CSMD1: variants seen among roughly 807,000 people sequenced by gnomAD.
CSMD1 encodes CUB and Sushi multiple domains 1, also known as CUB and sushi domain-containing protein 1.
A neutral mutation model predicts 417.5 loss-of-function variants in CSMD1; 213 were observed. The ratio of observed to expected loss-of-function variants is 0.51; its 90% confidence interval spans 0.46 to 0.57. The LOEUF (loss-of-function observed/expected upper bound fraction) is 0.57, where lower values mean the gene tolerates loss of function less well. Ranked by LOEUF, CSMD1 falls within the 20% of genes least tolerant of loss-of-function variation. The pLI, the probability that CSMD1 is intolerant of heterozygous loss-of-function variation, is 0.00. For synonymous variants in CSMD1, 2,862 were observed against 1,736.8 expected (o/e 1.65, Z -16.11); for missense variants, 6,923 against 4,529.7 (o/e 1.53, Z -15.17).
At chr8:4,828,950 T>A (rs1401691068) in intron 1 of CSMD1, among the ~76,000 whole-genome samples, 1 of 152,208 alleles carries the variant, frequency 6.6e-6, no homozygotes, top group African/African-American at 2.4e-5. Flanking sequence ...ACCATAGAGC[T>A]AGTAATTCCT....
At chr8:3,784,396 G>C (rs372188936) in intron 5 of CSMD1, among the ~76,000 whole-genome samples, 1 of 152,122 alleles carries the variant, frequency 6.6e-6, no homozygotes, top group Non-Finnish European at 1.5e-5. Context: ...CTTCAGCCCA[G>C]AAATAACTGC....
At chr8:4,716,400 G>A (rs1584988462) in intron 1 of CSMD1, among the ~76,000 whole-genome samples, 1 of 152,032 alleles carries the variant, frequency 6.6e-6, no homozygotes, top group African/African-American at 2.4e-5. Flanking sequence ...CACAAGGATG[G>A]GACTTTTTCA....
In CSMD1 at chr8:4,352,025, G is replaced by A. The variant is rs548888875; in HGVS notation, c.415+67928C>T. 5.3e-5 allele frequency among the ~76,000 whole-genome samples: 8 copies of A among 149,728 alleles called. No homozygotes were observed. In the South Asian group the frequency reaches 8.4e-4, roughly 16 times the overall value. ...GGAATTGACTAATGCAATGCTGATC[G>A]TTTAAGTTCATTGTGTCCCAGTGTG... is the stretch of plus-strand genomic sequence containing the variant. On this transcript the variant is annotated intron_variant, in intron 3 of 69. Coordinates refer to ENST00000635120, the MANE Select transcript of CSMD1 (RefSeq NM_033225.6).
chr8:3,100,601 C>G (rs961896933), intron 46 of CSMD1, among the ~76,000 whole-genome samples: 2 of 152,174 alleles, frequency 1.3e-5, no homozygotes, highest in Admixed American at 6.5e-5. Flanking sequence ...GTCAAAAACA[C>G]ACGTGAAAGC....
chr8:4,066,949 C>T (rs1359484184), intron 3 of CSMD1, among the ~76,000 whole-genome samples: 1 of 152,208 alleles, frequency 6.6e-6, no homozygotes, highest in Non-Finnish European at 1.5e-5. Context: ...TGTGTAAATA[C>T]CCTCAGGGTG....
At chr8:4,935,375 C>T (rs1018252565) in intron 1 of CSMD1, among the ~76,000 whole-genome samples, 4 of 152,184 alleles carry the variant, frequency 2.6e-5, no homozygotes, top group African/African-American at 9.7e-5. Flanking sequence ...TCCTTACCTC[C>T]TGCACATGCA....
At chr8:4,848,722 A>C (rs1801291920) in intron 1 of CSMD1, among the ~76,000 whole-genome samples, 1 of 152,066 alleles carries the variant, frequency 6.6e-6, no homozygotes, top group African/African-American at 2.4e-5. Context: ...GTATATTTTT[A>C]TAGTAGGGAC....
chr8:3,417,381 C>G (rs950676916), intron 12 of CSMD1, among the ~76,000 whole-genome samples: 9 of 152,182 alleles, frequency 5.9e-5, no homozygotes, highest in African/African-American at 1.9e-4. Context: ...CCCAAAATAG[C>G]AGACCAAAAC....
intron 5 of CSMD1, among the ~76,000 whole-genome samples, chr8:3,821,511 G>A (rs1022458601): frequency 4.3e-4 from 43 of 99,248 alleles, no homozygotes; most frequent in Non-Finnish European, 7.8e-4. Context: ...AGCTGGGTGC[G>A]GTGGCTCACG....
chr8:3,473,764 A>G (rs1817243068), intron 11 of CSMD1, among the ~76,000 whole-genome samples: 1 of 152,100 alleles, frequency 6.6e-6, no homozygotes, highest in South Asian at 2.1e-4. Flanking sequence ...GTATCAGTCT[A>G]CTCTCACACT....
intron 3 of CSMD1, among the ~76,000 whole-genome samples, chr8:4,297,954 G>A (rs916926759): frequency 2.6e-5 from 4 of 152,078 alleles, no homozygotes; most frequent in African/African-American, 7.2e-5. Context: ...GCTAGGTGAC[G>A]GATTACCTGA....
At chr8:4,930,712 C>T (rs965228169) in intron 1 of CSMD1, among the ~76,000 whole-genome samples, 3 of 152,080 alleles carry the variant, frequency 2.0e-5, no homozygotes, top group Non-Finnish European at 4.4e-5. Context: ...GTGGATAATA[C>T]CATATAATTG....
At chr8:4,804,941 C>A (rs146846723) in intron 1 of CSMD1, among the ~76,000 whole-genome samples, 1 of 151,988 alleles carries the variant, frequency 6.6e-6, no homozygotes, top group South Asian at 2.1e-4. Flanking sequence ...GTTTACTTAA[C>A]AAAAAGGGAT....
At position 3,693,843 on chromosome 8, in the gene CSMD1, T is replaced by G. The variant is rs550243532; in HGVS notation, c.1009+14571A>C. On this transcript the variant is annotated intron_variant, in intron 7 of 69. Coordinates refer to ENST00000635120, the MANE Select transcript of CSMD1 (RefSeq NM_033225.6). ...TGTTATGGTGTGTGTGTTGTGTGTGTTAGGGTATATTATGTGCTGTATGTG... is the reference window on the plus strand; with the variant it reads ...TGTTATGGTGTGTGTGTTGTGTGTGGTAGGGTATATTATGTGCTGTATGTG... 3.1e-3 allele frequency among the ~76,000 whole-genome samples: 475 copies of G among 150,978 alleles called. 11 individuals are homozygous for G. Among genetic ancestry groups the G allele is most frequent in the Non-Finnish European group, 1.9e-3 (127 of 67,678 alleles).
At chr8:3,250,319 T>C (rs1213874010) in intron 26 of CSMD1, among the ~76,000 whole-genome samples, 1 of 152,232 alleles carries the variant, frequency 6.6e-6, no homozygotes, top group Non-Finnish European at 1.5e-5. Context: ...TTTGGTTTTT[T>C]ATCCTTGTGA....
At chr8:4,044,816 T>C (rs1479951638) in intron 3 of CSMD1, among the ~76,000 whole-genome samples, 2 of 121,668 alleles carry the variant, frequency 1.6e-5, no homozygotes, top group Non-Finnish European at 3.7e-5. Flanking sequence ...ATGTGAACCA[T>C]CCTCGATGAG....
chr8:2,972,606 C>G (rs112226081), intron 57 of CSMD1, among the ~76,000 whole-genome samples: 1 of 152,156 alleles, frequency 6.6e-6, no homozygotes, highest in Non-Finnish European at 1.5e-5. Flanking sequence ...TCCTACGATG[C>G]CTCTCAAACA....
intron 1 of CSMD1, among the ~76,000 whole-genome samples, chr8:4,732,173 G>T (rs770963611): frequency 1.3e-5 from 2 of 152,096 alleles, no homozygotes; most frequent in African/African-American, 4.8e-5. Flanking sequence ...GTGCAAAAGC[G>T]TTCGGTAGCA....
chr8:3,434,793 C>G (rs1814441558), intron 12 of CSMD1, among the ~76,000 whole-genome samples: 1 of 152,162 alleles, frequency 6.6e-6, no homozygotes, highest in South Asian at 2.1e-4. Context: ...ACAGACAGTT[C>G]CTTACACTTC....
Sources: allele counts gnomAD v4.1 joint callset (sites outside exome capture counted in the v4.1 genomes callset), GRCh38; gene constraint gnomAD v4.1.1; transcripts MANE v1.5; gene names NCBI Gene and HGNC (gene_info 2026-07-23, HGNC 2026-07-21).